REC114: variants seen among roughly 807,000 people sequenced by gnomAD.
REC114 encodes the protein REC114 meiotic recombination protein, also known as meiotic recombination protein REC114.
Under a neutral mutation model 31.3 loss-of-function variants are expected in REC114, and 27 were observed. The observed-to-expected ratio is 0.86, with a 90% CI of 0.64 to 1.19. REC114 has a LOEUF of 1.19. Ranked by LOEUF, REC114 falls within the 50% of genes most tolerant of loss-of-function variation. The pLI is 0.00. For synonymous variants in REC114, 134 were observed against 127.7 expected (o/e 1.05, Z -0.33); for missense variants, 344 against 326.9 (o/e 1.05, Z -0.40).
intron 1 of REC114, among the ~76,000 whole-genome samples, chr15:73,446,021 G>C (rs894085680): frequency 6.6e-6 from 1 of 152,202 alleles, no homozygotes; most frequent in Non-Finnish European, 1.5e-5. Flanking sequence ...GTGCAATAAA[G>C]CAAAGTGCAG....
At chr15:73,495,798 A>G (rs1004738618) in intron 2 of REC114, among the ~76,000 whole-genome samples, 2 of 152,092 alleles carry the variant, frequency 1.3e-5, no homozygotes, top group Non-Finnish European at 2.9e-5. Context: ...AAATCTTCTT[A>G]TTGTTGGAGA....
At chr15:73,532,429 G>A (rs374578304) in intron 2 of REC114, among the ~76,000 whole-genome samples, 7,068 of 150,284 alleles carry the variant, frequency 0.047, 185 homozygotes, top group South Asian at 0.086. Flanking sequence ...ATTGTGAATA[G>A]TGCCACAGTA....
At chr15:73,505,467 T>A (rs1339318843) in intron 2 of REC114, among the ~76,000 whole-genome samples, 1 of 152,176 alleles carries the variant, frequency 6.6e-6, no homozygotes, top group Non-Finnish European at 1.5e-5. Context: ...GCTTTTCTGT[T>A]CTACCAATGC....
chr15:73,462,884 CAAAAAAAAAAAA>C, intron 1 of REC114, among the ~76,000 whole-genome samples: 1 of 55,652 alleles, frequency 1.8e-5, no homozygotes, highest in Non-Finnish European at 3.6e-5. Context: ...GACTCCGTCT[CAAAAAAAAAAAA>C]AAAAAAAAAA....
At chr15:73,557,062 AT>A (rs56187612) in intron 5 of REC114, among the ~76,000 whole-genome samples, 6,010 of 136,968 alleles carry the variant, frequency 0.044, 345 homozygotes, top group African/African-American at 0.14. Flanking sequence ...TTCAAGTATG[AT>A]TTTTTTTTTT....
intron 2 of REC114, among the ~76,000 whole-genome samples, chr15:73,524,754 T>A (rs2141321715): frequency 6.6e-6 from 1 of 152,222 alleles, no homozygotes; most frequent in Admixed American, 6.5e-5. Context: ...CCCACCACCA[T>A]GCTAGGCTAA....
chr15:73,521,277 G>A (rs1394144913), intron 2 of REC114, among the ~76,000 whole-genome samples: 1 of 152,140 alleles, frequency 6.6e-6, no homozygotes, highest in Non-Finnish European at 1.5e-5. Context: ...ACTGAACACT[G>A]TACCTAGAAT....
intron 2 of REC114, among the ~76,000 whole-genome samples, chr15:73,478,609 A>G (rs1378860980): frequency 3.3e-5 from 5 of 152,204 alleles, no homozygotes; most frequent in Admixed American, 3.3e-4. Flanking sequence ...ATTTCCTACA[A>G]AAAAGCTTGC....
At chr15:73,521,818 T>C (rs980395869) in intron 2 of REC114, among the ~76,000 whole-genome samples, 2 of 152,220 alleles carry the variant, frequency 1.3e-5, no homozygotes, top group African/African-American at 4.8e-5. Context: ...TTGTTTCTGT[T>C]ATTTAAAACC....
chr15:73,473,377 G>T (rs1204272672), intron 1 of REC114, among the ~76,000 whole-genome samples: 2 of 151,172 alleles, frequency 1.3e-5, no homozygotes, highest in African/African-American at 4.9e-5. Flanking sequence ...CAACAAGAGT[G>T]AAACTCTGTC....
chr15:73,467,410 A>G (rs1427210561), intron 1 of REC114, among the ~76,000 whole-genome samples: 2 of 152,070 alleles, frequency 1.3e-5, no homozygotes, highest in Non-Finnish European at 2.9e-5. Context: ...GTCACTAATT[A>G]TATTTGTTGT....
chr15:73,472,227 G>A (rs1237238169), intron 1 of REC114, among the ~76,000 whole-genome samples: 1 of 152,174 alleles, frequency 6.6e-6, no homozygotes, highest in African/African-American at 2.4e-5. Context: ...TATGCTTCTG[G>A]TTCTAACTAG....
At chr15:73,475,562 A>G (rs1007774552) in intron 2 of REC114, among the ~76,000 whole-genome samples, 1 of 152,236 alleles carries the variant, frequency 6.6e-6, no homozygotes, top group Non-Finnish European at 1.5e-5. Context: ...AAAACTAGAA[A>G]AAATATTGTA....
intron 1 of REC114, among the ~76,000 whole-genome samples, chr15:73,454,304 G>A (rs1353697199): frequency 1.3e-5 from 2 of 152,078 alleles, no homozygotes; most frequent in African/African-American, 4.8e-5. Flanking sequence ...GATGACTAAG[G>A]GATATCTATT....
At position 73,549,616 on chromosome 15, in the gene REC114, A is replaced by G. The variant is rs537239378; in HGVS notation, c.334-1322A>G. ...TAAATATATACACACCTATGTACCT[A>G]AAATTTTAGAAATTAAATATACATG... On this transcript the variant is annotated intron_variant, in intron 3 of 5. Transcript: ENST00000331090. 1.5e-4 allele frequency among the ~76,000 whole-genome samples: 23 copies of G among 152,322 alleles called. No individual in the cohort carries two copies. In the East Asian group the frequency reaches 4.1e-3, roughly 27 times the overall value.
Position 73,523,169 on chromosome 15 carries a change from A to C in REC114, c.250-17316A>C, listed in dbSNP as rs116139009. Among the ~76,000 whole-genome samples, 123 of 152,304 alleles carry C rather than the reference A, an allele frequency of 8.1e-4. 1 individual carries two copies. The highest frequency in any genetic ancestry group is 2.9e-3 in the African/African-American group (122 of 41,574). On this transcript the variant is annotated intron_variant, in intron 2 of 5. Coordinates refer to ENST00000331090, the MANE Select transcript of REC114 (RefSeq NM_001042367.2). ...ATATTCTGAATTCAAGTCCTTCATC[A>C]GATATGTGATAAAAGAAAAACTTCA...
intron 2 of REC114, among the ~76,000 whole-genome samples, chr15:73,525,179 A>C (rs887692235): frequency 6.6e-6 from 1 of 152,152 alleles, no homozygotes; most frequent in African/African-American, 2.4e-5. Context: ...ACATGAGCCA[A>C]GTTGTACTAT....
At chr15:73,469,591 G>A (rs997255182) in intron 1 of REC114, among the ~76,000 whole-genome samples, 1 of 151,458 alleles carries the variant, frequency 6.6e-6, no homozygotes, top group Non-Finnish European at 1.5e-5. Flanking sequence ...CACCGTGCCT[G>A]GCTAATTTTT....
At chr15:73,515,686 G>A (rs917647802) in intron 2 of REC114, among the ~76,000 whole-genome samples, 2 of 152,140 alleles carry the variant, frequency 1.3e-5, no homozygotes, top group Non-Finnish European at 2.9e-5. Context: ...GAAAGGCCAT[G>A]TGTGAGCACA....
Sources: allele counts gnomAD v4.1 joint callset (sites outside exome capture counted in the v4.1 genomes callset), GRCh38; gene constraint gnomAD v4.1.1; transcripts MANE v1.5; gene names NCBI Gene and HGNC (gene_info 2026-07-23, HGNC 2026-07-21).